PRRT4: variants seen among roughly 807,000 people sequenced by gnomAD.
The protein encoded by PRRT4 is proline rich transmembrane protein 4.
In PRRT4, 59 loss-of-function variants were observed where a neutral mutation model predicts 55.6. The ratio of observed to expected loss-of-function variants is 1.06; its 90% confidence interval spans 0.86 to 1.32. The LOEUF (loss-of-function observed/expected upper bound fraction) is 1.32, where lower values mean the gene tolerates loss of function less well. Among genes scored for constraint, PRRT4 ranks in the 40% most tolerant of loss-of-function variants. The pLI is 0.00. For missense variants in PRRT4, 1,217 were observed against 1,222.0 expected, an observed-to-expected ratio of 1.00 and a Z score of 0.06; for synonymous variants, 606 against 601.8, an observed-to-expected ratio of 1.01 and a Z score of -0.10.
exon 5 of PRRT4, chr7:128,352,056 C>T: frequency 8.1e-7 from 1 of 1,232,850 alleles, no homozygotes; most frequent in Non-Finnish European, 1.0e-6. Flanking sequence ...AGGCGTGCAG[C>T]CCGCGCGAGG....
rs1374806619 is a variant in PRRT4 at position 128,358,764 on chromosome 7, G to A, written c.794C>T (p.Ser265Phe). Residue 265 changes from serine (S) to phenylalanine (F), a missense_variant, in exon 4 of 5, where the codon TCC (serine) becomes TTC (phenylalanine). Coordinates refer to ENST00000535159, the Ensembl canonical transcript of PRRT4. The surrounding 1 kb of genome is among the most constrained non-coding windows in gnomAD (Gnocchi z 4.4). ...TGGGCTGGAGAGCTTCCTCTCCAGG[G>A]AGTATGGGGGCAGGGACAGAGTGGT... The A allele has an allele frequency of 1.9e-6, 3 of 1,551,420 alleles. No homozygotes were observed. The highest frequency in any genetic ancestry group is 2.6e-6 in the Non-Finnish European group (3 of 1,146,840).
chr7:128,359,024 A>C (rs1402247490), intron 3 of PRRT4, 125 bp downstream of exon 4: 6 of 1,236,534 alleles, frequency 4.9e-6, no homozygotes, highest in African/African-American at 1.5e-5. Context: ...GTAGTAGCCC[A>C]TATCCTAGGG....
chr7:128,361,097 T>G (rs1355173984), intron 1 of PRRT4, among the ~76,000 whole-genome samples: 1 of 136,302 alleles, frequency 7.3e-6, no homozygotes, highest in African/African-American at 2.9e-5. Context: ...TCTCTCTCTC[T>G]CTCTCTCACA....
At chr7:128,355,930 A>T (rs1211004630) in intron 4 of PRRT4, among the ~76,000 whole-genome samples, 1 of 152,130 alleles carries the variant, frequency 6.6e-6, no homozygotes, top group Non-Finnish European at 1.5e-5. Flanking sequence ...TCATCTCTAT[A>T]CCTAAGCTCC....
chr7:128,352,905 C>G (rs1158996319), intron 4 of PRRT4, among the ~76,000 whole-genome samples: 1 of 151,892 alleles, frequency 6.6e-6, no homozygotes, highest in Non-Finnish European at 1.5e-5. Flanking sequence ...CTTCCTTCTC[C>G]TACTTCTCGC....
At chr7:128,355,732 G>A (rs941803823) in intron 4 of PRRT4, among the ~76,000 whole-genome samples, 1 of 152,068 alleles carries the variant, frequency 6.6e-6, no homozygotes, top group Non-Finnish European at 1.5e-5. Flanking sequence ...ATCTCTCTTT[G>A]GCCTCTGTGG....
chr7:128,359,606 G>A lies in PRRT4; in HGVS notation c.386C>T (p.Pro129Leu), dbSNP rs764948386. 3.6e-5 allele frequency: 55 copies of A among 1,522,398 alleles called. No homozygotes were observed. In the Middle Eastern group the frequency reaches 5.2e-4, roughly 14 times the overall value. The allele number at this position is 1,522,398 out of a possible 1,614,324, so 94.3% of individuals were successfully genotyped here. ...CCCAGAGCGCCGGGATGTGGACTCC[G>A]GAAGCAGGGAGGAGGCCCGGGGCTT... The change falls in exon 2 of 5, where the codon CCG becomes CTG. Residue 129 changes from proline (P) to leucine (L), a missense_variant. By Grantham distance (98) the Pro-to-Leu change is moderately conservative (BLOSUM62 -3). This residue lies in a region of PRRT4 where 564 missense variants were observed against 592.9 expected (regional missense o/e 0.95). Coordinates refer to ENST00000535159, the Ensembl canonical transcript of PRRT4.
In PRRT4 at chr7:128,358,205, A is replaced by C. The variant is rs1797156695; in HGVS notation, c.877+476T>G. On this transcript the variant is annotated intron_variant, in intron 4 of 4. Coordinates refer to ENST00000535159, the Ensembl canonical transcript of PRRT4. This position sits in a 1 kb window ranked among gnomAD's most constrained non-coding sequence, Gnocchi z 4.4. ...GTGCATGTTCTGAAAGGCTTTCTTG[A>C]ACGAAGGTGGCATCTGCCTGCTCAA... 6.6e-6 allele frequency among the ~76,000 whole-genome samples: 1 copy of C among 152,184 alleles called. No individual in the cohort carries two copies. The highest frequency in any genetic ancestry group is 2.4e-5 in the African/African-American group (1 of 41,446).
exon 5 of PRRT4, chr7:128,351,098 A>C (rs770232038): frequency 2.8e-5 from 44 of 1,548,666 alleles, no homozygotes; most frequent in Admixed American, 3.9e-5. Flanking sequence ...TCGGGGCTGG[A>C]ACACAGCAGC....
chr7:128,356,584 G>C (rs1797115864), intron 4 of PRRT4, among the ~76,000 whole-genome samples: 1 of 152,270 alleles, frequency 6.6e-6, no homozygotes, highest in Non-Finnish European at 1.5e-5. Context: ...TCCTGAGCAA[G>C]CCTCCTTTAC....
At chr7:128,357,410 G>A (rs541826479) in intron 4 of PRRT4, among the ~76,000 whole-genome samples, 3 of 152,232 alleles carry the variant, frequency 2.0e-5, no homozygotes, top group Non-Finnish European at 2.9e-5. Context: ...CAGCCTGCCC[G>A]GCTGCACTGC....
chr7:128,351,394 C>A (rs1369631776), exon 5 of PRRT4: 1 of 1,541,522 alleles, frequency 6.5e-7, no homozygotes, highest in East Asian at 2.5e-5. Flanking sequence ...GGAGGGCGGG[C>A]GGAAGTCCAC....
At chr7:128,359,445 C>T (rs1387495262) in exon 2 of PRRT4, 1 of 1,462,398 alleles carries the variant, frequency 6.8e-7, no homozygotes, top group Non-Finnish European at 9.0e-7. Context: ...GCTCTCAGTG[C>T]CATGTCAAAC....
At chr7:128,350,439 C>A (rs554618374), downstream of PRRT4, 23 of 223,970 alleles carry the variant, frequency 1.0e-4, no homozygotes, top group Non-Finnish European at 1.8e-4. Flanking sequence ...GAAAGGGAGT[C>A]CCATTCACAC....
chr7:128,356,035 C>T (rs565281814), intron 4 of PRRT4, among the ~76,000 whole-genome samples: 1 of 152,184 alleles, frequency 6.6e-6, no homozygotes, highest in East Asian at 1.9e-4. Flanking sequence ...CCGAGGTGGG[C>T]AGATCACAAG....
chr7:128,359,555 T>G (rs1234893743), exon 2 of PRRT4: 1 of 1,492,210 alleles, frequency 6.7e-7, no homozygotes, highest in Admixed American at 2.4e-5. Flanking sequence ...CCTGGGCTGA[T>G]AGGGGGCAGT....
chr7:128,361,737 C>G (rs1431443879), upstream of PRRT4: 2 of 152,760 alleles, frequency 1.3e-5, no homozygotes, highest in African/African-American at 4.8e-5. Context: ...CCTCTCTCCT[C>G]CTCCTCCTCC....
Position 128,359,358 on chromosome 7 carries a change from C to T in PRRT4, c.634G>A (p.Gly212Arg), listed in dbSNP as rs1186618729. Residue 212 changes from glycine (G) to arginine (R), a missense_variant, in exon 2 of 5, where the codon GGG (glycine) becomes AGG (arginine). Coordinates refer to ENST00000535159, the Ensembl canonical transcript of PRRT4. ...TACTCACCAAAGGGTCCCAGGCGCCCAGCAATCTCTGCCAGGCTGGCCCGC... is the reference window on the plus strand; with the variant it reads ...TACTCACCAAAGGGTCCCAGGCGCCTAGCAATCTCTGCCAGGCTGGCCCGC... The T allele has an allele frequency of 3.4e-6, 5 of 1,474,996 alleles. No individual in the cohort carries two copies. In the South Asian group the frequency reaches 5.7e-5, roughly 17 times the overall value. 91.4% of individuals were successfully genotyped at this position (1,474,996 alleles called of 1,614,324 possible). A position where few individuals can be genotyped will look rare whatever the true frequency, so the allele number is the denominator to read the frequency against.
At chr7:128,352,626 G>C in exon 5 of PRRT4, 1 of 1,540,776 alleles carries the variant, frequency 6.5e-7, no homozygotes, top group South Asian at 1.2e-5. Flanking sequence ...AAGGGTTCCC[G>C]AGGCTGGCGG....
Sources: allele counts gnomAD v4.1 joint callset (sites outside exome capture counted in the v4.1 genomes callset), GRCh38; gene constraint gnomAD v4.1.1; regional missense constraint gnomAD v4.1.1; non-coding constraint Gnocchi (gnomAD v3.1); transcripts MANE v1.5; gene names NCBI Gene and HGNC (gene_info 2026-07-23, HGNC 2026-07-21).